The following PCDHA9 variants were observed in gnomAD, a reference collection of about 807,000 sequenced individuals.
PCDHA9 encodes protocadherin alpha 9.
Under a neutral mutation model 62.0 loss-of-function variants are expected in PCDHA9, and 62 were observed. That is an observed-to-expected ratio of 1.00 (90% CI 0.81 to 1.23). The LOEUF is 1.23. Ranked by LOEUF, PCDHA9 falls within the 50% of genes most tolerant of loss-of-function variation. PCDHA9 has a pLI of 0.00. For synonymous variants in PCDHA9, 557 were observed against 567.6 expected (o/e 0.98, Z 0.27); for missense variants, 1,205 against 1,249.8 (o/e 0.96, Z 0.54).
At chr5:140,875,662 T>C (rs782787124) in intron 1 of PCDHA9, 32 of 1,613,752 alleles carry the variant, frequency 2.0e-5, no homozygotes, top group Non-Finnish European at 2.6e-5. Context: ...GCCGCGCCTG[T>C]TCCGGGTGGC....
chr5:140,921,345 A>C (rs1411062408), intron 1 of PCDHA9, among the ~76,000 whole-genome samples: 1 of 152,120 alleles, frequency 6.6e-6, no homozygotes, highest in African/African-American at 2.4e-5. Context: ...CACATAATAT[A>C]TTTGCCTATA....
chr5:140,917,338 G>GGGGGGGT (rs2078134893), intron 1 of PCDHA9, among the ~76,000 whole-genome samples: 1 of 137,894 alleles, frequency 7.3e-6, no homozygotes, highest in Non-Finnish European at 1.6e-5. Context: ...GGAGGGGGGG[G>GGGGGGGT]ATGGTGTAGG....
At chr5:140,938,055 T>C (rs1475337267) in intron 1 of PCDHA9, among the ~76,000 whole-genome samples, 1 of 152,232 alleles carries the variant, frequency 6.6e-6, no homozygotes, top group African/African-American at 2.4e-5. Flanking sequence ...TTTCTACATA[T>C]ACTGTCATGC....
intron 1 of PCDHA9, chr5:140,875,857 A>C: frequency 6.2e-7 from 1 of 1,614,124 alleles, no homozygotes; most frequent in Non-Finnish European, 8.5e-7. Context: ...CATTAACGAC[A>C]ACCCGCCGGT....
intron 1 of PCDHA9, among the ~76,000 whole-genome samples, chr5:140,972,660 A>ATTT (rs11350929): frequency 1.0e-4 from 12 of 117,258 alleles, no homozygotes; most frequent in Non-Finnish European, 1.7e-4. Flanking sequence ...AAGAAACCAA[A>ATTT]TTTTTTTTTT....
At chr5:140,942,679 G>T (rs549826522) in intron 1 of PCDHA9, among the ~76,000 whole-genome samples, 8 of 151,904 alleles carry the variant, frequency 5.3e-5, no homozygotes, top group Non-Finnish European at 8.8e-5. Flanking sequence ...AAAGTTTTAG[G>T]AATAACTTTA....
In PCDHA9 at chr5:140,882,396, C is replaced by A. The variant is rs1287441519; in HGVS notation, c.2394+31507C>A. 54 of 1,614,078 alleles carry A rather than the reference C, an allele frequency of 3.3e-5. No homozygotes were observed. The highest frequency in any genetic ancestry group is 4.6e-5 in the Non-Finnish European group (54 of 1,180,056). On this transcript the variant is annotated intron_variant, in intron 1 of 3. Transcript: ENST00000532602. The stretch of plus-strand genomic sequence containing the variant: ...GTCCCCGAGGAAGCAAAACACGGCA[C>A]CTTCGTGGGCCGCATCGCTCAGGAC...
chr5:140,893,725 C>A (rs782492563), intron 1 of PCDHA9, among the ~76,000 whole-genome samples: 4 of 152,154 alleles, frequency 2.6e-5, no homozygotes, highest in Non-Finnish European at 5.9e-5. Context: ...GCTGAGAAAT[C>A]TGCTGTTAGT....
At chr5:140,868,967 A>C (rs2050769969) in intron 1 of PCDHA9, 2 of 1,435,752 alleles carry the variant, frequency 1.4e-6, no homozygotes, top group South Asian at 1.4e-5. Flanking sequence ...ATACAAAGGA[A>C]CTCCATCATA....
chr5:140,951,196 T>A (rs1438872650), intron 1 of PCDHA9, among the ~76,000 whole-genome samples: 1 of 152,190 alleles, frequency 6.6e-6, no homozygotes, highest in African/African-American at 2.4e-5. Context: ...AATTCCCACA[T>A]CTGTGTCATC....
intron 1 of PCDHA9, chr5:140,869,394 G>A (rs782128248): frequency 6.2e-7 from 1 of 1,614,078 alleles, no homozygotes; most frequent in Non-Finnish European, 8.5e-7. Flanking sequence ...AGCTGTGCGG[G>A]CAGAGCGCGG....
chr5:140,903,346 A>G (rs76789733), intron 1 of PCDHA9, among the ~76,000 whole-genome samples: 12,326 of 152,302 alleles, frequency 0.081, 540 homozygotes, highest in Middle Eastern at 0.13. Context: ...TGCATTTTAA[A>G]AAACAAGTTT....
At chr5:140,967,390 G>C (rs2096135950) in intron 1 of PCDHA9, 1 of 1,609,870 alleles carries the variant, frequency 6.2e-7, no homozygotes, top group African/African-American at 1.3e-5. Context: ...AAGTGCTTGA[G>C]CTGGTGCTGC....
chr5:140,881,959 C>G (rs1012115110), intron 1 of PCDHA9: 146 of 352,464 alleles, frequency 4.1e-4, no homozygotes, highest in Non-Finnish European at 1.3e-4. Context: ...AACATTTAAT[C>G]TTCAATTACA....
In PCDHA9 at chr5:140,877,117, G is replaced by A. The variant is rs781979355; in HGVS notation, c.2394+26228G>A. The A allele has an allele frequency of 9.3e-6, 15 of 1,613,720 alleles. No homozygotes were observed. The East Asian group carries it at 1.8e-4, about 19-fold the overall frequency. ...CGGCGTGCCGCCTCTGGGCAGCAAC[G>A]TGACGCTGCAGGTGTTCGTGCTGGA... On this transcript the variant is annotated intron_variant, in intron 1 of 3. Coordinates refer to ENST00000532602, the MANE Select transcript of PCDHA9 (RefSeq NM_031857.2).
chr5:140,877,416 G>A (rs368900600), intron 1 of PCDHA9: 32 of 1,613,802 alleles, frequency 2.0e-5, no homozygotes, highest in Non-Finnish European at 2.7e-5. Flanking sequence ...ACCGCCTGCT[G>A]GTGCTGGTGA....
At chr5:140,892,120 A>G (rs1242162429) in intron 1 of PCDHA9, among the ~76,000 whole-genome samples, 1 of 152,216 alleles carries the variant, frequency 6.6e-6, no homozygotes, top group Non-Finnish European at 1.5e-5. Context: ...TATATCTGGA[A>G]CACAATAAGC....
intron 1 of PCDHA9, chr5:140,968,403 T>C (rs1554230673): frequency 6.2e-7 from 1 of 1,613,984 alleles, no homozygotes; most frequent in Non-Finnish European, 8.5e-7. Context: ...CGGGAGTTCT[T>C]TGTGACTGTG....
At chr5:140,859,474 T>A (rs1282422046) in intron 1 of PCDHA9, 1 of 210,268 alleles carries the variant, frequency 4.8e-6, no homozygotes, top group East Asian at 1.7e-4. Flanking sequence ...CTATCAATTG[T>A]GTTTTCCTGA....
Sources: gnomAD v4.1 joint callset for allele counts (sites outside exome capture counted in the v4.1 genomes callset) on GRCh38, gnomAD v4.1.1 for gene constraint, MANE v1.5 for transcripts, NCBI Gene and HGNC (gene_info 2026-07-23, HGNC 2026-07-21) for gene names.